SIL1: variants seen among roughly 807,000 people sequenced by gnomAD.
SIL1 encodes nucleotide exchange factor SIL1.
In SIL1, 40 loss-of-function variants were observed where a neutral mutation model predicts 49.1. That is an observed-to-expected ratio of 0.81 (90% CI 0.63 to 1.06). The LOEUF is 1.06. Ranked by LOEUF, SIL1 falls within the 50% of genes least tolerant of loss-of-function variation. SIL1 has a pLI of 0.00. For missense variants in SIL1, 500 were observed against 572.6 expected (o/e 0.87, Z 1.29); for synonymous variants, 253 against 250.8 (o/e 1.01, Z -0.08).
intron 7 of SIL1, among the ~76,000 whole-genome samples, chr5:138,961,888 G>A (rs1045819100): frequency 6.6e-6 from 1 of 151,012 alleles, no homozygotes; most frequent in Non-Finnish European, 1.5e-5. Flanking sequence ...CTCAGAGGCA[G>A]AGAGTTTTAC....
chr5:139,136,072 T>C (rs539644567), intron 1 of SIL1, among the ~76,000 whole-genome samples: 1 of 151,558 alleles, frequency 6.6e-6, no homozygotes, highest in Admixed American at 6.6e-5. Context: ...GTCTCAAAAT[T>C]AGAAAAAAAA....
chr5:139,161,186 T>TGAACTGAGATC (rs1463055556), intron 1 of SIL1, among the ~76,000 whole-genome samples: 1 of 152,148 alleles, frequency 6.6e-6, no homozygotes, highest in Non-Finnish European at 1.5e-5. Flanking sequence ...GAGGTTGCGA[T>TGAACTGAGATC]GAACTGAGAT....
intron 7 of SIL1, among the ~76,000 whole-genome samples, chr5:138,982,386 CCT>C (rs1458557279): frequency 2.0e-5 from 3 of 152,210 alleles, no homozygotes; most frequent in Non-Finnish European, 4.4e-5. Context: ...TCTGCCCCTC[CCT>C]CCATTAGGAA....
At chr5:139,126,667 A>G (rs1172838345) in intron 2 of SIL1, among the ~76,000 whole-genome samples, 2 of 152,226 alleles carry the variant, frequency 1.3e-5, no homozygotes, top group Admixed American at 6.5e-5. Context: ...TAAAAACTCA[A>G]AAGGACTCGT....
intron 3 of SIL1, among the ~76,000 whole-genome samples, chr5:139,089,909 C>T (rs1221845480): frequency 2.0e-5 from 3 of 152,112 alleles, no homozygotes; most frequent in Non-Finnish European, 2.9e-5. Context: ...AATGAATGTA[C>T]TAAATACCAC....
intron 7 of SIL1, among the ~76,000 whole-genome samples, chr5:139,008,795 G>C (rs1387016621): frequency 6.6e-6 from 1 of 151,988 alleles, no homozygotes; most frequent in Non-Finnish European, 1.5e-5. Flanking sequence ...TTAATCCTGA[G>C]TTCTAGTTTG....
chr5:138,951,162 G>A lies in SIL1; in HGVS notation c.1029+9C>T. ...AACAAGAGGAGACTGGGTGGGCCTGGGCACTCACCTTCTCCGTGACCAGGT... is the reference window on the plus strand; with the variant it reads ...AACAAGAGGAGACTGGGTGGGCCTGAGCACTCACCTTCTCCGTGACCAGGT... On this transcript the variant is annotated intron_variant, in intron 9 of 9. Coordinates refer to ENST00000394817, the MANE Select transcript of SIL1 (RefSeq NM_022464.5). 6.2e-7 allele frequency: 1 copy of A among 1,610,518 alleles called. No homozygotes were observed. The highest frequency in any genetic ancestry group is 8.5e-7 in the Non-Finnish European group (1 of 1,178,390).
intron 3 of SIL1, among the ~76,000 whole-genome samples, chr5:139,055,618 C>CT (rs1491505334): frequency 2.9e-4 from 31 of 108,394 alleles, no homozygotes; most frequent in Middle Eastern, 4.7e-3. Context: ...CTCTCCCTCT[C>CT]CCCCTCTCCC....
intron 3 of SIL1, among the ~76,000 whole-genome samples, chr5:139,107,465 C>A (rs11242448): frequency 0.25 from 38,572 of 152,174 alleles, 5,899 homozygotes; most frequent in Middle Eastern, 0.37. Context: ...TAACGTCTTA[C>A]AAAACTATAG....
chr5:139,076,823 CAGAA>C (rs1268240830), intron 3 of SIL1, among the ~76,000 whole-genome samples: 1 of 152,080 alleles, frequency 6.6e-6, no homozygotes, highest in Middle Eastern at 3.2e-3. Flanking sequence ...AAAGAGTCAC[CAGAA>C]AGAAAGAAAA....
At chr5:138,951,548 G>A (rs1766778535) in intron 8 of SIL1, among the ~76,000 whole-genome samples, 1 of 152,216 alleles carries the variant, frequency 6.6e-6, no homozygotes. Flanking sequence ...GTAAACAGAG[G>A]CCAAGGGTGG....
At chr5:139,056,444 C>T (rs1448931762) in intron 3 of SIL1, among the ~76,000 whole-genome samples, 10 of 150,884 alleles carry the variant, frequency 6.6e-5, no homozygotes, top group Admixed American at 5.3e-4. Context: ...GCAGCCACCC[C>T]GTCTGGGAAG....
chr5:139,055,614 C>CCT (rs1418365900), intron 3 of SIL1, among the ~76,000 whole-genome samples: 1 of 113,214 alleles, frequency 8.8e-6, no homozygotes, highest in Non-Finnish European at 1.9e-5. Context: ...CTCCCTCTCC[C>CCT]TCTCCCCCTC....
intron 1 of SIL1, among the ~76,000 whole-genome samples, chr5:139,176,994 G>A (rs1311006020): frequency 1.5e-5 from 2 of 134,024 alleles, no homozygotes; most frequent in Non-Finnish European, 3.1e-5. Context: ...GTGCAGTGAC[G>A]CAAGCTTCGC....
intron 1 of SIL1, among the ~76,000 whole-genome samples, chr5:139,180,776 T>C (rs1032459605): frequency 6.6e-6 from 1 of 152,162 alleles, no homozygotes; most frequent in African/African-American, 2.4e-5. Flanking sequence ...GGCACTAGTA[T>C]GGTATTCCTG....
chr5:139,181,796 C>T (rs11745848), intron 1 of SIL1, among the ~76,000 whole-genome samples: 53,753 of 152,020 alleles, frequency 0.35, 11,759 homozygotes, highest in South Asian at 0.51. Flanking sequence ...TGATGACAAT[C>T]AAGGTAGAAA....
At chr5:139,089,811 G>A (rs1385464314) in intron 3 of SIL1, among the ~76,000 whole-genome samples, 1 of 152,236 alleles carries the variant, frequency 6.6e-6, no homozygotes, top group Non-Finnish European at 1.5e-5. Context: ...ATAGGGAAAT[G>A]TGGATAAACT....
chr5:138,947,505 G>A lies in SIL1; in HGVS notation c.1030-32C>T. On this transcript the variant is annotated intron_variant, in intron 9 of 9. Coordinates refer to ENST00000394817, the MANE Select transcript of SIL1 (RefSeq NM_022464.5). This position sits in a 1 kb window ranked among gnomAD's most constrained non-coding sequence, Gnocchi z 4.1. ...TCCGCCACAGCCGCAGGCCAGGTAGGGTGGGGGTGGGGAGAGAACACACAG... is the reference window on the plus strand; with the variant it reads ...TCCGCCACAGCCGCAGGCCAGGTAGAGTGGGGGTGGGGAGAGAACACACAG... The A allele has an allele frequency of 6.3e-7, 1 of 1,592,308 alleles. No homozygotes were observed. The highest frequency in any genetic ancestry group is 8.6e-7 in the Non-Finnish European group (1 of 1,161,050).
At chr5:139,149,034 C>G (rs1751247435) in intron 1 of SIL1, among the ~76,000 whole-genome samples, 1 of 152,032 alleles carries the variant, frequency 6.6e-6, no homozygotes. Context: ...CCCTGAAATG[C>G]AACCACTCCC....
Sources: gnomAD v4.1 joint callset for allele counts (sites outside exome capture counted in the v4.1 genomes callset) on GRCh38, gnomAD v4.1.1 for gene constraint, Gnocchi (gnomAD v3.1) non-coding constraint, MANE v1.5 for transcripts, NCBI Gene and HGNC (gene_info 2026-07-23, HGNC 2026-07-21) for gene names.